ADD1: variants seen among roughly 807,000 people sequenced by gnomAD.
ADD1 encodes adducin 1.
A neutral mutation model predicts 80.5 loss-of-function variants in ADD1; 24 were observed. The observed-to-expected ratio is 0.30, with a 90% CI of 0.22 to 0.42. The LOEUF (loss-of-function observed/expected upper bound fraction) is 0.42. ADD1 is among the 10% of genes least tolerant of loss of function. The pLI, the probability that ADD1 is intolerant of heterozygous loss-of-function variation, is 1.00. For synonymous variants in ADD1, 373 were observed against 393.8 expected (o/e 0.95, Z 0.63); for missense variants, 948 against 1,019.0 (o/e 0.93, Z 0.95).
At chr4:2,899,578 G>A (rs886725647) in intron 9 of ADD1, 143 bp downstream of exon 9, 2 of 881,320 alleles carry the variant, frequency 2.3e-6, no homozygotes, top group Non-Finnish European at 3.7e-6. Flanking sequence ...CACTAGGGTT[G>A]TTTAACTTCT....
chr4:2,917,730 T>C (rs1344604462), intron 14 of ADD1, among the ~76,000 whole-genome samples: 3 of 152,212 alleles, frequency 2.0e-5, no homozygotes, highest in Non-Finnish European at 4.4e-5. Flanking sequence ...CAGTTTCAGT[T>C]TTATGCATAT....
chr4:2,890,660 G>A (rs1734161950), intron 4 of ADD1, among the ~76,000 whole-genome samples: 1 of 151,892 alleles, frequency 6.6e-6, no homozygotes, highest in South Asian at 2.1e-4. Context: ...CGCCCTTCTC[G>A]CCCTCCCAAA....
chr4:2,924,811 A>T lies in ADD1; in HGVS notation c.1949-1203A>T, dbSNP rs887701549. Among the ~76,000 whole-genome samples the T allele has an allele frequency of 3.1e-4, 47 of 152,236 alleles. 1 individual carries two copies. Among genetic ancestry groups the T allele is most frequent in the Non-Finnish European group, 4.4e-5 (3 of 68,044 alleles). ...TGCTGTAATTACCTGCCTTAGAGCGAGAACTGGAGGTAGTCAGCTTGAGCT... is the reference window on the plus strand; with the variant it reads ...TGCTGTAATTACCTGCCTTAGAGCGTGAACTGGAGGTAGTCAGCTTGAGCT... On this transcript the variant is annotated intron_variant, in intron 14 of 15. Coordinates refer to ENST00000683351, the MANE Select transcript of ADD1 (RefSeq NM_001354761.2).
In ADD1 at chr4:2,876,090, T is replaced by C; in HGVS notation, c.175T>C (p.Ser59Pro). ...FNMMEQKKRVSMILQSPAFCE... is the reference protein window; with the variant it reads ...FNMMEQKKRVPMILQSPAFCE... ...CATGATGGAGCAAAAGAAGAGGGTG[T>C]CCATGATTCTGCAAAGCCCTGTGAG... The change falls in exon 2 of 16, where the codon TCC becomes CCC. Residue 59 changes from serine (S) to proline (P), a missense_variant. Coordinates refer to ENST00000683351, the MANE Select transcript of ADD1 (RefSeq NM_001354761.2). 1 of 1,613,300 alleles carries C rather than the reference T, an allele frequency of 6.2e-7. No individual in the cohort carries two copies. Among genetic ancestry groups the C allele is most frequent in the Non-Finnish European group, 8.5e-7 (1 of 1,179,740 alleles).
At chr4:2,916,162 ATATTATTATTATTATTATTATTATTAT>A (rs71662749) in intron 14 of ADD1, among the ~76,000 whole-genome samples, 26 of 141,060 alleles carry the variant, frequency 1.8e-4, no homozygotes, top group East Asian at 1.7e-3. Flanking sequence ...GCCAGCATGC[ATATTATTATTATTATTATTATTATTAT>A]TATTATTATT....
chr4:2,854,615 A>C (rs141882252), intron 1 of ADD1, among the ~76,000 whole-genome samples: 2,368 of 152,250 alleles, frequency 0.016, 31 homozygotes, highest in Non-Finnish European at 0.025. Context: ...AGCTGTACTT[A>C]GGTTTATGGC....
chr4:2,868,747 C>T lies in ADD1; in HGVS notation c.-20-7149C>T, dbSNP rs985236561. Reference sequence around the variant, plus strand: ...CAAGTATGTACCCAGATAATTTATCCGCATATGATTTGGTCCTGTTTGAAA... The same window carrying T: ...CAAGTATGTACCCAGATAATTTATCTGCATATGATTTGGTCCTGTTTGAAA... On this transcript the variant is annotated intron_variant, in intron 1 of 15. Coordinates refer to ENST00000683351, the MANE Select transcript of ADD1 (RefSeq NM_001354761.2). Among the ~76,000 whole-genome samples, 7 of 152,144 alleles carry T rather than the reference C, an allele frequency of 4.6e-5. No homozygotes were observed. In the East Asian group the frequency reaches 5.8e-4, roughly 13 times the overall value.
chr4:2,916,953 G>C (rs1439911437), intron 14 of ADD1, among the ~76,000 whole-genome samples: 1 of 152,134 alleles, frequency 6.6e-6, no homozygotes, highest in Non-Finnish European at 1.5e-5. Context: ...CATTTGAGTT[G>C]TTTCCAACTC....
intron 6 of ADD1, among the ~76,000 whole-genome samples, chr4:2,897,461 A>G (rs1735431188): frequency 6.7e-6 from 1 of 149,392 alleles, no homozygotes; most frequent in South Asian, 2.1e-4. Flanking sequence ...GCTTTCACCT[A>G]ATTTTTAGGT....
intron 1 of ADD1, among the ~76,000 whole-genome samples, chr4:2,855,218 TG>T (rs1480828335): frequency 6.6e-6 from 1 of 152,266 alleles, no homozygotes; most frequent in Non-Finnish European, 1.5e-5. Flanking sequence ...TATTCAGACC[TG>T]TTAACTTGGG....
chr4:2,876,184 G>T (rs1412999175), intron 2 of ADD1, 74 bp downstream of exon 2: 4 of 1,407,542 alleles, frequency 2.8e-6, no homozygotes, highest in Middle Eastern at 1.8e-4. Context: ...ATGCCCTGTT[G>T]TATGAGTGGC....
chr4:2,894,780 A>G (rs1734912849), intron 6 of ADD1, 49 bp downstream of exon 6: 1 of 1,551,818 alleles, frequency 6.4e-7, no homozygotes, highest in East Asian at 2.4e-5. Context: ...TGCTGAGTGA[A>G]AGGCACTGCA....
intron 6 of ADD1, 135 bp downstream of exon 6, chr4:2,894,866 A>G: frequency 2.1e-6 from 2 of 959,026 alleles, no homozygotes; most frequent in Non-Finnish European, 2.9e-6. Context: ...AAGGTGTACC[A>G]CTAAGTTTGA....
rs769212546 is a variant in ADD1 at position 2,884,614 on chromosome 4, A to G, written c.458A>G (p.Tyr153Cys). ...TTACGGTGTAAATTGGCAGCGTTTTATAGACTAGCAGATCTCTTTGGGTGG... is the reference window on the plus strand; with the variant it reads ...TTACGGTGTAAATTGGCAGCGTTTTGTAGACTAGCAGATCTCTTTGGGTGG... ...KLLRCKLAAF[Y>C]RLADLFGWSQ... Residue 153 changes from tyrosine to cysteine, a missense_variant, in exon 4 of 16, where the codon TAT becomes TGT. Physicochemically the swap from Tyr to Cys is radical, Grantham distance 194 (BLOSUM62 -2). Transcript: ENST00000683351. 2 of 1,612,988 alleles carry G rather than the reference A, an allele frequency of 1.2e-6. No homozygotes were observed. The highest frequency in any genetic ancestry group is 2.2e-5 in the South Asian group (2 of 90,858).
intron 1 of ADD1, among the ~76,000 whole-genome samples, chr4:2,852,886 A>T (rs58968769): frequency 0.22 from 32,802 of 150,742 alleles, 3,759 homozygotes; most frequent in East Asian, 0.48. Context: ...TTTTTTTTTT[A>T]GTAGAGCCAA....
At chr4:2,858,982 A>G (rs1728464677) in intron 1 of ADD1, among the ~76,000 whole-genome samples, 1 of 152,238 alleles carries the variant, frequency 6.6e-6, no homozygotes, top group Non-Finnish European at 1.5e-5. Flanking sequence ...TACAGAAGAC[A>G]ATAAGCCTAT....
chr4:2,909,484 T>G, intron 13 of ADD1, 53 bp downstream of exon 13: 2 of 1,022,202 alleles, frequency 2.0e-6, no homozygotes, highest in Non-Finnish European at 2.6e-6. Flanking sequence ...TCCCCTCCCC[T>G]CCCCCCTCCC....
chr4:2,852,175 T>TTTCA (rs1384663503), intron 1 of ADD1, among the ~76,000 whole-genome samples: 16 of 69,296 alleles, frequency 2.3e-4, no homozygotes, highest in Admixed American at 5.2e-4. Flanking sequence ...TCTTTCTTTC[T>TTTCA]TTCTTTCTTT....
At chr4:2,882,681 T>C (rs1205941601) in intron 3 of ADD1, among the ~76,000 whole-genome samples, 30 of 152,246 alleles carry the variant, frequency 2.0e-4, no homozygotes, top group Non-Finnish European at 2.9e-5. Context: ...TGCTGACATT[T>C]GCTATTTACC....
Sources: allele counts gnomAD v4.1 joint callset (sites outside exome capture counted in the v4.1 genomes callset), GRCh38; gene constraint gnomAD v4.1.1; transcripts MANE v1.5; gene names NCBI Gene and HGNC (gene_info 2026-07-23, HGNC 2026-07-21).